The following MCPH1 variants were observed in gnomAD, a reference collection of about 807,000 sequenced individuals.
MCPH1 encodes microcephalin 1, also known as microcephalin.
A neutral mutation model predicts 84.5 loss-of-function variants in MCPH1; 104 were observed. The ratio of observed to expected loss-of-function variants is 1.23; its 90% CI spans 1.05 to 1.45. MCPH1 has a LOEUF of 1.45. MCPH1 is among the 40% of genes most tolerant of loss of function. The pLI, the probability that MCPH1 is intolerant of heterozygous loss-of-function variation, is 0.00. For synonymous variants in MCPH1, 514 were observed against 366.8 expected (o/e 1.40, Z -4.58); for missense variants, 1,498 against 1,005.7 (o/e 1.49, Z -6.62).
At chr8:6,525,573 A>C (rs531379851) in intron 12 of MCPH1, among the ~76,000 whole-genome samples, 22 of 152,342 alleles carry the variant, frequency 1.4e-4, no homozygotes, top group African/African-American at 4.8e-4. Context: ...TTGGGGAATT[A>C]TAAAAGATTA....
chr8:6,505,794 A>AG (rs1279178990), intron 12 of MCPH1, among the ~76,000 whole-genome samples: 1 of 98,822 alleles, frequency 1.0e-5, no homozygotes, highest in Non-Finnish European at 2.5e-5. Context: ...ATGTATATAT[A>AG]AAAACATGCA....
chr8:6,640,781 A>G (rs184770879), intron 13 of MCPH1, among the ~76,000 whole-genome samples: 5 of 152,306 alleles, frequency 3.3e-5, no homozygotes, highest in African/African-American at 1.2e-4. Flanking sequence ...AAATAATCTC[A>G]TATTCTCCTA....
chr8:6,435,973 T>C (rs1289744461), intron 4 of MCPH1, 75 bp from the exon 5 acceptor site: 1 of 1,565,734 alleles, frequency 6.4e-7, no homozygotes. Context: ...GTATCAGAAA[T>C]GTATGCGAAA....
chr8:6,627,407 C>G (rs140334425), intron 13 of MCPH1: 1 of 490,140 alleles, frequency 2.0e-6, no homozygotes, highest in African/African-American at 2.1e-5. Flanking sequence ...ACCCAGGTTT[C>G]CACACCCAGG....
chr8:6,645,210 T>A lies in MCPH1; in HGVS notation c.*2161T>A, dbSNP rs561206333. The A allele has an allele frequency of 9.2e-5, 14 of 152,420 alleles. No homozygotes were observed. Among genetic ancestry groups the A allele is most frequent in the African/African-American group, 3.4e-4 (14 of 41,556 alleles). The allele number at this position is 152,420 out of a possible 1,614,324, so 9.4% of individuals were successfully genotyped here. On this transcript the variant is annotated 3_prime_UTR_variant, in exon 14 of 14. Transcript: ENST00000344683. ...CCCACCCAGGCCTCAGTCCCCAGTG[T>A]TAAGTTCTGATCCCTGATGCTGGCC...
intron 3 of MCPH1, among the ~76,000 whole-genome samples, chr8:6,420,977 A>T (rs1800109549): frequency 6.6e-6 from 1 of 152,190 alleles, no homozygotes; most frequent in Non-Finnish European, 1.5e-5. Flanking sequence ...GAAGAGTCCC[A>T]GGCGGGCATG....
chr8:6,573,448 C>T (rs554007283), intron 12 of MCPH1, among the ~76,000 whole-genome samples: 2 of 152,098 alleles, frequency 1.3e-5, no homozygotes, highest in East Asian at 3.8e-4. Context: ...CTGGGACTGA[C>T]TCTTACACTT....
chr8:6,485,796 A>G (rs551452568), intron 11 of MCPH1, among the ~76,000 whole-genome samples: 10 of 152,270 alleles, frequency 6.6e-5, no homozygotes, highest in African/African-American at 2.4e-4. Context: ...ACACATATAT[A>G]AATGACACAA....
chr8:6,638,937 G>A (rs766856251), intron 13 of MCPH1, among the ~76,000 whole-genome samples: 21 of 152,214 alleles, frequency 1.4e-4, no homozygotes, highest in Non-Finnish European at 2.6e-4. Flanking sequence ...CGCACACTCA[G>A]TCACAGCCCC....
At chr8:6,458,713 C>T (rs988751027) in intron 9 of MCPH1, among the ~76,000 whole-genome samples, 3 of 151,994 alleles carry the variant, frequency 2.0e-5, no homozygotes, top group African/African-American at 7.3e-5. Flanking sequence ...GGTGTTATCT[C>T]GGCTCACTGC....
At chr8:6,419,908 C>A (rs188636286) in intron 3 of MCPH1, among the ~76,000 whole-genome samples, 21 of 149,014 alleles carry the variant, frequency 1.4e-4, no homozygotes, top group African/African-American at 5.2e-4. Context: ...TTTGCTTTTT[C>A]TTTGTTTTTT....
chr8:6,422,342 A>G (rs1377001713), intron 3 of MCPH1, among the ~76,000 whole-genome samples: 1 of 24,986 alleles, frequency 4.0e-5, no homozygotes, highest in African/African-American at 4.9e-5. Context: ...AATGATTTGA[A>G]AAAAAACTAC....
At chr8:6,497,844 A>G (rs1401476706) in intron 11 of MCPH1, among the ~76,000 whole-genome samples, 1 of 152,238 alleles carries the variant, frequency 6.6e-6, no homozygotes, top group Non-Finnish European at 1.5e-5. Flanking sequence ...TTAATATAAT[A>G]GATACATTGA....
In MCPH1 at chr8:6,499,066, T is replaced by TTAAATAAATAAA. The variant is rs150879047; in HGVS notation, c.2137-761_2137-750dup. 3.2e-3 allele frequency among the ~76,000 whole-genome samples: 470 copies of TTAAATAAATAAA among 148,170 alleles called. 2 individuals are homozygous for TTAAATAAATAAA. Among genetic ancestry groups the TTAAATAAATAAA allele is most frequent in the African/African-American group, 7.1e-3 (287 of 40,360 alleles). On this transcript the variant is annotated intron_variant, in intron 11 of 13. Transcript: ENST00000344683. ...GAGTTTGTCTCAAAAAATAAATAAA[T>TTAAATAAATAAA]TAAATAAATAAATAAATAAATAAAT...
intron 3 of MCPH1, among the ~76,000 whole-genome samples, chr8:6,417,254 A>T (rs773044836): frequency 5.9e-5 from 9 of 151,838 alleles, no homozygotes; most frequent in Non-Finnish European, 1.3e-4. Flanking sequence ...TATACCAGGG[A>T]TTGGTAAAGT....
At chr8:6,531,562 A>G (rs2442603) in intron 12 of MCPH1, among the ~76,000 whole-genome samples, 29,288 of 152,088 alleles carry the variant, frequency 0.19, 3,767 homozygotes, top group African/African-American at 0.37. Flanking sequence ...AAAGTGCTGG[A>G]ATTACAGGCG....
intron 9 of MCPH1, among the ~76,000 whole-genome samples, chr8:6,458,440 C>A (rs2129557177): frequency 6.7e-6 from 1 of 148,702 alleles, no homozygotes; most frequent in South Asian, 2.2e-4. Context: ...CCACTGCATT[C>A]CAGCCTGGGC....
At chr8:6,505,806 A>G (rs1484127507) in intron 12 of MCPH1, among the ~76,000 whole-genome samples, 1 of 127,620 alleles carries the variant, frequency 7.8e-6, no homozygotes, top group African/African-American at 2.7e-5. Context: ...AAACATGCAT[A>G]TTCTTTATAT....
At chr8:6,533,173 C>G (rs1188048182) in intron 12 of MCPH1, among the ~76,000 whole-genome samples, 1 of 152,218 alleles carries the variant, frequency 6.6e-6, no homozygotes, top group Admixed American at 6.5e-5. Context: ...CATTTATCAC[C>G]TAACGTGCCA....
Sources: allele counts gnomAD v4.1 joint callset (sites outside exome capture counted in the v4.1 genomes callset), GRCh38; gene constraint gnomAD v4.1.1; transcripts MANE v1.5; gene names NCBI Gene and HGNC (gene_info 2026-07-23, HGNC 2026-07-21).